Variants in PCDHGB4 observed in about 807,000 individuals in gnomAD.
PCDHGB4 encodes the protein protocadherin gamma subfamily B, 4, also known as protocadherin gamma-B4.
Under a neutral mutation model 60.5 loss-of-function variants are expected in PCDHGB4, and 38 were observed. That is an observed-to-expected ratio of 0.63 (90% CI 0.48 to 0.82). PCDHGB4 has a LOEUF of 0.82. PCDHGB4 is among the 40% of genes least tolerant of loss of function. PCDHGB4 has a pLI of 0.00. For missense variants in PCDHGB4, 1,109 were observed against 1,209.6 expected (o/e 0.92, Z 1.23); for synonymous variants, 456 against 509.7 (o/e 0.89, Z 1.42).
At chr5:141,408,329 A>C (rs2095085203) in intron 1 of PCDHGB4, 1 of 1,613,580 alleles carries the variant, frequency 6.2e-7, no homozygotes, top group Non-Finnish European at 8.5e-7. Context: ...GGAGCTGGCC[A>C]AGGGCTCGGT....
At chr5:141,433,849 A>AC (rs1304649814) in intron 1 of PCDHGB4, among the ~76,000 whole-genome samples, 10 of 152,030 alleles carry the variant, frequency 6.6e-5, no homozygotes, top group Admixed American at 1.3e-4. Flanking sequence ...AAAAAAAAAA[A>AC]AAAAAACTTT....
chr5:141,494,680 C>G (rs552351026), intron 1 of PCDHGB4, 127 bp from the exon 2 acceptor site: 2 of 1,560,096 alleles, frequency 1.3e-6, no homozygotes, highest in East Asian at 4.6e-5. Context: ...CCACCCCTGC[C>G]CCCTCTTAGT....
intron 2 of PCDHGB4, 50 bp from the exon 3 acceptor site, chr5:141,505,343 G>A: frequency 1.9e-6 from 3 of 1,612,934 alleles, no homozygotes; most frequent in Non-Finnish European, 2.5e-6. Flanking sequence ...GGAGGGGCAT[G>A]AGCTGTGCCG....
At chr5:141,396,682 C>T (rs1387269894) in intron 1 of PCDHGB4, 1 of 151,688 alleles carries the variant, frequency 6.6e-6, no homozygotes, top group Non-Finnish European at 1.5e-5. Context: ...TATTGTATTC[C>T]TGCATACCTT....
chr5:141,423,630 T>C, intron 1 of PCDHGB4: 1 of 1,603,994 alleles, frequency 6.2e-7, no homozygotes, highest in Non-Finnish European at 8.5e-7. Flanking sequence ...CAGCTATCAT[T>C]TTAGGCAAAT....
intron 1 of PCDHGB4, chr5:141,399,617 T>G: frequency 6.2e-7 from 1 of 1,613,944 alleles, no homozygotes; most frequent in Non-Finnish European, 8.5e-7. Flanking sequence ...CCTCTGGCAC[T>G]GGCCTCTTAC....
chr5:141,414,023 A>G lies in PCDHGB4; in HGVS notation c.2397+23742A>G, dbSNP rs746044242. 5 of 1,612,692 alleles carry G rather than the reference A, an allele frequency of 3.1e-6. No homozygotes were observed. The highest frequency in any genetic ancestry group is 2.2e-5 in the East Asian group (1 of 44,836). ...GAAGGTGCCAATGGAGAAGTGACAT[A>G]TTCATTCCGAAAATTACCTGACACG... On this transcript the variant is annotated intron_variant, in intron 1 of 3. Transcript: ENST00000519479.
At chr5:141,394,395 C>A (rs1238779909) in intron 1 of PCDHGB4, 3 of 1,614,146 alleles carry the variant, frequency 1.9e-6, no homozygotes, top group African/African-American at 1.3e-5. Context: ...GATCCGAGAC[C>A]TGCAGCTACT....
At chr5:141,405,422 GTT>G in intron 1 of PCDHGB4, 2 of 1,509,830 alleles carry the variant, frequency 1.3e-6, no homozygotes, top group Non-Finnish European at 1.8e-6. Context: ...TTTGTTTTTT[GTT>G]TTGTTTTGTT....
intron 1 of PCDHGB4, chr5:141,398,838 T>C: frequency 6.2e-7 from 1 of 1,613,946 alleles, no homozygotes; most frequent in Non-Finnish European, 8.5e-7. Context: ...ACGCCAATGA[T>C]AATCCCCCGG....
At position 141,410,109 on chromosome 5, in the gene PCDHGB4, A is replaced by T. The variant is rs771550139; in HGVS notation, c.2397+19828A>T. On this transcript the variant is annotated intron_variant, in intron 1 of 3. Transcript: ENST00000519479. ...ACGGCTCGAGCCTTAGGCGACAGGG[A>T]CGCAGCCCGCCAGCGCCTGCTGGTC... is the stretch of plus-strand genomic sequence containing the variant. 9.9e-6 allele frequency: 16 copies of T among 1,612,380 alleles called. 1 individual carries two copies. The South Asian group carries it at 1.6e-4, about 17-fold the overall frequency.
chr5:141,393,427 A>G (rs2092758301), intron 1 of PCDHGB4: 2 of 1,613,922 alleles, frequency 1.2e-6, no homozygotes, highest in Admixed American at 3.3e-5. Flanking sequence ...AGGGAGGAAG[A>G]GGCTGCTCAC....
chr5:141,417,954 C>G, intron 1 of PCDHGB4: 2 of 1,613,600 alleles, frequency 1.2e-6, no homozygotes, highest in South Asian at 1.1e-5. Flanking sequence ...CTGTGTGAGC[C>G]GATCCGCTAC....
At chr5:141,417,068 T>C (rs1433034146) in intron 1 of PCDHGB4, 1 of 152,154 alleles carries the variant, frequency 6.6e-6, no homozygotes, top group African/African-American at 2.4e-5. Context: ...ATTGTAGCTA[T>C]TGTGAGAAAA....
In PCDHGB4 at chr5:141,432,021, C is replaced by G. The variant is rs746940912; in HGVS notation, c.2397+41740C>G. 1.9e-5 allele frequency: 30 copies of G among 1,614,076 alleles called. No individual in the cohort carries two copies. The highest frequency in any genetic ancestry group is 2.7e-5 in the African/African-American group (2 of 74,922). Reference sequence around the variant, plus strand: ...GAACAGGTTCCTAGCTACAACATCACAGTGACCGCCACTGACCGGGGAACC... The same window carrying G: ...GAACAGGTTCCTAGCTACAACATCAGAGTGACCGCCACTGACCGGGGAACC... On this transcript the variant is annotated intron_variant, in intron 1 of 3. Transcript: ENST00000519479. The surrounding 1 kb of genome is among the most constrained non-coding windows in gnomAD (Gnocchi z 6.0).
intron 1 of PCDHGB4, among the ~76,000 whole-genome samples, chr5:141,448,016 G>A (rs903673535): frequency 6.6e-6 from 1 of 152,006 alleles, no homozygotes; most frequent in South Asian, 2.1e-4. Context: ...AACCCAGGAG[G>A]TGGAGGTTGC....
chr5:141,476,619 CTT>C lies in PCDHGB4; in HGVS notation c.2398-18186_2398-18185del. Reference sequence around the variant, plus strand: ...CACGATCCCGATGTGGGAAGCAACTCTTTACAAACCTATGAGCTGAGCCGAAA... The same window carrying C: ...CACGATCCCGATGTGGGAAGCAACTCTACAAACCTATGAGCTGAGCCGAAA... On this transcript the variant is annotated intron_variant, in intron 1 of 3. Transcript: ENST00000519479. This position sits in a 1 kb window ranked among gnomAD's most constrained non-coding sequence, Gnocchi z 7.6. The C allele has an allele frequency of 1.2e-6, 2 of 1,614,258 alleles. No homozygotes were observed. The highest frequency in any genetic ancestry group is 1.7e-6 in the Non-Finnish European group (2 of 1,180,052).
rs1176011355 is a variant in PCDHGB4 at position 141,485,491 on chromosome 5, G to A, written c.2398-9316G>A. The A allele has an allele frequency of 1.2e-6, 2 of 1,614,142 alleles. No individual in the cohort carries two copies. Among genetic ancestry groups the A allele is most frequent in the Non-Finnish European group, 1.7e-6 (2 of 1,180,040 alleles). On this transcript the variant is annotated intron_variant, in intron 1 of 3. Transcript: ENST00000519479. This position sits in a 1 kb window ranked among gnomAD's most constrained non-coding sequence, Gnocchi z 5.7. ...TCAGTGCCAGCTGCATCGTGCCCCT[G>A]GAGTTTGTCACCGAAGGTCCTTTGG...
In PCDHGB4 at chr5:141,489,153, G is replaced by A; in HGVS notation, c.2398-5654G>A. The A allele has an allele frequency of 1.1e-6, 1 of 935,832 alleles. No homozygotes were observed. The highest frequency in any genetic ancestry group is 1.6e-6 in the Non-Finnish European group (1 of 627,178). 58.0% of individuals were successfully genotyped at this position (935,832 alleles called of 1,614,324 possible). A position where few individuals can be genotyped will look rare whatever the true frequency, so the allele number is the denominator to read the frequency against. ...TTTAAGAGGCTGGAAGGAGACATAA[G>A]AGACTTCAGCTGCTGCATTCCAAGC... On this transcript the variant is annotated intron_variant, in intron 1 of 3. Coordinates refer to ENST00000519479, the MANE Select transcript of PCDHGB4 (RefSeq NM_003736.4). This position sits in a 1 kb window ranked among gnomAD's most constrained non-coding sequence, Gnocchi z 4.5.
Sources: allele counts gnomAD v4.1 joint callset (sites outside exome capture counted in the v4.1 genomes callset), GRCh38; gene constraint gnomAD v4.1.1; non-coding constraint Gnocchi (gnomAD v3.1); transcripts MANE v1.5; gene names NCBI Gene and HGNC (gene_info 2026-07-23, HGNC 2026-07-21).